MAGEC3: variants seen among roughly 807,000 people sequenced by gnomAD.
MAGEC3 encodes the protein melanoma-associated antigen C3.
MAGEC3 carries 34 observed loss-of-function variants against 35.3 expected under a neutral mutation model. That is an observed-to-expected ratio of 0.96 (90% CI 0.73 to 1.28). MAGEC3 has a LOEUF of 1.28. MAGEC3 is among the 50% of genes most tolerant of loss of function. MAGEC3 has a pLI of 0.00. For synonymous variants in MAGEC3, 202 were observed against 185.6 expected (o/e 1.09, Z -0.72); for missense variants, 561 against 483.6 (o/e 1.16, Z -1.50).
At chrX:141,865,639 C>T (rs200430606) in intron 2 of MAGEC3, 34 bp downstream of exon 2, 7 of 1,174,996 alleles carry the variant, frequency 6.0e-6, no homozygotes, top group Non-Finnish European at 8.0e-6. Context: ...AGGGGACCTC[C>T]TGCCACAGAT....
chrX:141,896,724 C>A, intron 6 of MAGEC3, 158 bp from the exon 7 acceptor site: 1 of 1,211,912 alleles, frequency 8.3e-7, no homozygotes. Context: ...TGACAGAGGA[C>A]TTGGTAGATG....
At chrX:141,876,936 C>T (rs1166484843) in intron 2 of MAGEC3, among the ~76,000 whole-genome samples, 1 of 112,245 alleles carries the variant, frequency 8.9e-6, no homozygotes, top group Non-Finnish European at 1.9e-5. Context: ...TCAAACTCTT[C>T]ATTATAGTAG....
rs748889715 is a variant in MAGEC3 at position 141,896,907 on chromosome X, G to T, written c.1149G>T (p.Gly383=). The change falls in exon 7 of 8, where the codon GGG becomes GGT. Residue 383 remains glycine (G), a synonymous_variant. Transcript: ENST00000298296. The part of the protein sequence containing the change: ...GGEDEDMPAA[G]MPPLPQSPPE... The stretch of plus-strand genomic sequence containing the variant: ...AAGATGAGGATATGCCTGCTGCTGG[G>T]ATGCCACCTCTTCCCCAGAGTCCTC... 2 of 1,182,731 alleles carry T rather than the reference G, an allele frequency of 1.7e-6. No homozygotes were observed. The highest frequency in any genetic ancestry group is 1.8e-5 in the African/African-American group (1 of 56,839).
chrX:141,895,161 G>T, intron 4 of MAGEC3, 108 bp from the exon 5 acceptor site: 1 of 908,877 alleles, frequency 1.1e-6, no homozygotes, highest in Non-Finnish European at 1.5e-6. Flanking sequence ...AGGGCAGGAA[G>T]AAGTGGAGTG....
At chrX:141,840,909 G>A (rs1182270338) in intron 1 of MAGEC3, among the ~76,000 whole-genome samples, 1 of 109,650 alleles carries the variant, frequency 9.1e-6, no homozygotes, top group African/African-American at 3.3e-5. Flanking sequence ...TTTTTTTTCT[G>A]TATTTTCAAC....
chrX:141,873,555 G>A (rs1202507260), intron 2 of MAGEC3, among the ~76,000 whole-genome samples: 2 of 111,500 alleles, frequency 1.8e-5, no homozygotes, highest in Non-Finnish European at 3.8e-5. Context: ...AACTTAAAGT[G>A]GCGATGTTTG....
Position 141,881,497 on chromosome X carries a change from C to G in MAGEC3, c.610C>G (p.Pro204Ala). The G allele has an allele frequency of 8.3e-7, 1 of 1,211,164 alleles. No individual in the cohort carries two copies. ...TCTCCTCAAATATCAAGCAAAAGAG[C>G]CTCTCACAAGAGCAGAGATGCAGAT... ...FLLLKYQAKE[P>A]LTRAEMQMNV... Residue 204 changes from proline to alanine, a missense_variant, in exon 4 of 8, where the codon CCT (proline) becomes GCT (alanine). Coordinates refer to ENST00000298296, the MANE Select transcript of MAGEC3 (RefSeq NM_138702.1).
intron 1 of MAGEC3, chrX:141,839,393 A>G (rs1164069965): frequency 1.4e-6 from 1 of 724,700 alleles, no homozygotes; most frequent in South Asian, 7.1e-5. Flanking sequence ...TATTTTATGT[A>G]ATTATAATGA....
In MAGEC3 at chrX:141,895,313, T is replaced by G. The variant is rs776781199; in HGVS notation, c.954T>G (p.Leu318=). Residue 318 remains leucine (L), a synonymous_variant, in exon 5 of 8, where the codon CTT becomes CTG. Coordinates refer to ENST00000298296, the MANE Select transcript of MAGEC3 (RefSeq NM_138702.1). ...GGTTCGCGGATGTGCTTTCCCGACT[T>G]GCACTGTGGGAGTCTGAAGGACCTG... ...LAGFADVLSR[L]ALWESEGPEA... 7.4e-6 allele frequency: 9 copies of G among 1,210,893 alleles called. No individual in the cohort carries two copies. The highest frequency in any genetic ancestry group is 1.0e-5 in the Non-Finnish European group (9 of 895,190).
intron 1 of MAGEC3, among the ~76,000 whole-genome samples, chrX:141,864,924 G>T (rs566584257): frequency 8.9e-6 from 1 of 112,081 alleles, no homozygotes; most frequent in Admixed American, 9.4e-5. Context: ...TTTTTCAGCA[G>T]TCCTCAAAAA....
chrX:141,843,873 A>G (rs2017700661), intron 1 of MAGEC3, among the ~76,000 whole-genome samples: 1 of 110,812 alleles, frequency 9.0e-6, no homozygotes. Flanking sequence ...GAAATATAAT[A>G]TTACCATTAA....
At chrX:141,842,420 A>G (rs2017691453) in intron 1 of MAGEC3, among the ~76,000 whole-genome samples, 1 of 111,457 alleles carries the variant, frequency 9.0e-6, no homozygotes, top group Non-Finnish European at 1.9e-5. Context: ...CCTTTTAACT[A>G]TCGTATATTT....
chrX:141,873,115 C>T (rs189553361), intron 2 of MAGEC3, among the ~76,000 whole-genome samples: 27 of 111,548 alleles, frequency 2.4e-4, no homozygotes, highest in African/African-American at 7.2e-4. Flanking sequence ...AGCTTCTGGC[C>T]GAGTTAGGTG....
At chrX:141,860,373 G>A (rs779618758) in intron 1 of MAGEC3, among the ~76,000 whole-genome samples, 12 of 112,216 alleles carry the variant, frequency 1.1e-4, no homozygotes, top group Non-Finnish European at 2.1e-4. Flanking sequence ...TACAGTTTAT[G>A]TGGAATAAAG....
intron 1 of MAGEC3, among the ~76,000 whole-genome samples, chrX:141,863,794 G>A (rs1185915449): frequency 8.9e-6 from 1 of 111,812 alleles, no homozygotes; most frequent in East Asian, 2.8e-4. Flanking sequence ...ACTAATTAGA[G>A]TGGCTAAAAA....
chrX:141,845,501 A>T (rs1015528128), intron 1 of MAGEC3, among the ~76,000 whole-genome samples: 1 of 111,118 alleles, frequency 9.0e-6, no homozygotes, highest in Non-Finnish European at 1.9e-5. Flanking sequence ...TAACAAAGGG[A>T]TTTATATGGT....
At chrX:141,873,607 A>G (rs2017901781) in intron 2 of MAGEC3, among the ~76,000 whole-genome samples, 1 of 111,885 alleles carries the variant, frequency 8.9e-6, no homozygotes, top group African/African-American at 3.3e-5. Context: ...AGTAAATAAT[A>G]TAATTGGGTT....
At chrX:141,877,426 G>A (rs1235616626) in intron 2 of MAGEC3, among the ~76,000 whole-genome samples, 6 of 111,563 alleles carry the variant, frequency 5.4e-5, no homozygotes, top group Non-Finnish European at 1.1e-4. Flanking sequence ...GACAAAAAAC[G>A]AAGTTGATAT....
In MAGEC3 at chrX:141,879,322, A is replaced by C. The variant is rs1482617101; in HGVS notation, c.406A>C (p.Thr136Pro). The stretch of plus-strand genomic sequence containing the variant: ...GGACTGGCCACTCAACGAGAAGAGA[A>C]CTCTGTGGAAGGACAGTGACCTTCC... ...PQDWPLNEKR[T>P]LWKDSDLPTW... The change falls in exon 3 of 8, where the codon ACT becomes CCT. Residue 136 changes from threonine (T) to proline (P), a missense_variant. By Grantham distance (38) the Thr-to-Pro change is conservative. Transcript: ENST00000298296. 1.7e-6 allele frequency: 2 copies of C among 1,202,142 alleles called. No individual in the cohort carries two copies. Among genetic ancestry groups the C allele is most frequent in the African/African-American group, 3.5e-5 (2 of 56,673 alleles).
Sources: allele counts gnomAD v4.1 joint callset (sites outside exome capture counted in the v4.1 genomes callset), GRCh38; gene constraint gnomAD v4.1.1; transcripts MANE v1.5; gene names NCBI Gene and HGNC (gene_info 2026-07-23, HGNC 2026-07-21).